SPAG16: variants seen among roughly 807,000 people sequenced by gnomAD.
SPAG16 encodes sperm-associated antigen 16 protein.
A neutral mutation model predicts 80.4 loss-of-function variants in SPAG16; 86 were observed. The ratio of observed to expected loss-of-function variants is 1.07; its 90% CI spans 0.90 to 1.28. The LOEUF (loss-of-function observed/expected upper bound fraction) is 1.28, where lower values mean the gene tolerates loss of function less well. SPAG16 is among the 50% of genes most tolerant of loss of function. SPAG16 has a pLI of 0.00. For missense variants in SPAG16, 870 were observed against 765.3 expected (o/e 1.14, Z -1.61); for synonymous variants, 294 against 265.9 (o/e 1.11, Z -1.03).
At chr2:213,648,757 A>T (rs1317254707) in intron 10 of SPAG16, among the ~76,000 whole-genome samples, 1 of 152,206 alleles carries the variant, frequency 6.6e-6, no homozygotes, top group African/African-American at 2.4e-5. Flanking sequence ...AGAATATCAT[A>T]TCCTCCTCCA....
intron 15 of SPAG16, among the ~76,000 whole-genome samples, chr2:214,248,877 G>T (rs1042680549): frequency 6.6e-6 from 1 of 152,110 alleles, no homozygotes; most frequent in Non-Finnish European, 1.5e-5. Context: ...AAACTGGAAC[G>T]ATCTGATGAT....
intron 11 of SPAG16, among the ~76,000 whole-genome samples, chr2:213,888,395 C>A (rs1240313397): frequency 6.6e-6 from 1 of 151,806 alleles, no homozygotes; most frequent in Non-Finnish European, 1.5e-5. Context: ...ACATTATTAT[C>A]TCTTAAAAAA....
At chr2:213,845,972 C>A (rs1052938239) in intron 10 of SPAG16, among the ~76,000 whole-genome samples, 3 of 152,158 alleles carry the variant, frequency 2.0e-5, no homozygotes, top group African/African-American at 7.2e-5. Context: ...AAGGGCAAGC[C>A]TAATTATACA....
intron 10 of SPAG16, among the ~76,000 whole-genome samples, chr2:213,584,065 G>A (rs553896342): frequency 1.3e-5 from 2 of 152,282 alleles, no homozygotes; most frequent in Non-Finnish European, 2.9e-5. Context: ...TTTGAAACTA[G>A]GAGTTATGTG....
chr2:214,087,530 A>G (rs1037435023), intron 13 of SPAG16, among the ~76,000 whole-genome samples: 8 of 152,202 alleles, frequency 5.3e-5, no homozygotes, highest in South Asian at 2.1e-4. Flanking sequence ...AAAAGATGTC[A>G]CATGATAATA....
chr2:214,039,130 A>G (rs2048868706), intron 13 of SPAG16, among the ~76,000 whole-genome samples: 2 of 152,176 alleles, frequency 1.3e-5, no homozygotes, highest in Admixed American at 1.3e-4. Flanking sequence ...TGACTTCCAC[A>G]ATGGTTGAAC....
intron 9 of SPAG16, among the ~76,000 whole-genome samples, chr2:213,457,248 C>T (rs1455945274): frequency 6.6e-6 from 1 of 152,106 alleles, no homozygotes; most frequent in Non-Finnish European, 1.5e-5. Flanking sequence ...GCTAGCATTC[C>T]TCTTTTCCAA....
At position 213,674,730 on chromosome 2, in the gene SPAG16, C is replaced by T. The variant is rs562688451; in HGVS notation, c.1070+184640C>T. Among the ~76,000 whole-genome samples the T allele has an allele frequency of 4.0e-5, 6 of 150,506 alleles. No individual in the cohort carries two copies. In the East Asian group the frequency reaches 9.7e-4, roughly 24 times the overall value. ...GACGTGAACTCATCATTTTTTATGGCTGCATAGTATTCCATGGTGTATATG... is the reference window on the plus strand; with the variant it reads ...GACGTGAACTCATCATTTTTTATGGTTGCATAGTATTCCATGGTGTATATG... On this transcript the variant is annotated intron_variant, in intron 10 of 15. Transcript: ENST00000331683.
At chr2:213,924,034 T>TG (rs758227744) in intron 11 of SPAG16, 2 of 149,868 alleles carry the variant, frequency 1.3e-5, no homozygotes, top group Admixed American at 1.3e-4. Context: ...CTAGCAGTGG[T>TG]GGGGGTGGGT....
At chr2:214,337,262 T>G (rs1290098727) in intron 15 of SPAG16, among the ~76,000 whole-genome samples, 1 of 152,150 alleles carries the variant, frequency 6.6e-6, no homozygotes, top group Non-Finnish European at 1.5e-5. Flanking sequence ...TTAGGAAGCT[T>G]GTTGTAAAAA....
chr2:213,479,623 C>T (rs2073643471), intron 9 of SPAG16, among the ~76,000 whole-genome samples: 1 of 152,114 alleles, frequency 6.6e-6, no homozygotes, highest in Admixed American at 6.6e-5. Flanking sequence ...GGCTTACATT[C>T]CTACATCCTC....
intron 10 of SPAG16, among the ~76,000 whole-genome samples, chr2:213,859,296 A>G (rs767636835): frequency 4.4e-4 from 66 of 148,928 alleles, no homozygotes; most frequent in Non-Finnish European, 8.6e-4. Flanking sequence ...GATCTTAAAG[A>G]TCTTGGTAAG....
At chr2:214,369,400 C>A (rs538666844) in intron 15 of SPAG16, among the ~76,000 whole-genome samples, 20 of 152,200 alleles carry the variant, frequency 1.3e-4, no homozygotes, top group African/African-American at 4.8e-4. Flanking sequence ...GATAACTTTT[C>A]TTTTCATATT....
At chr2:213,806,092 T>A (rs1402137130) in intron 10 of SPAG16, among the ~76,000 whole-genome samples, 2 of 152,194 alleles carry the variant, frequency 1.3e-5, no homozygotes, top group African/African-American at 4.8e-5. Flanking sequence ...GGTTTCTTTG[T>A]CAGCATGCAA....
intron 15 of SPAG16, among the ~76,000 whole-genome samples, chr2:214,390,594 C>A (rs1701021111): frequency 6.6e-6 from 1 of 152,070 alleles, no homozygotes; most frequent in African/African-American, 2.4e-5. Flanking sequence ...CAGTTTAAAT[C>A]TAGTATCATC....
chr2:213,454,778 C>A (rs2071899906), intron 9 of SPAG16, among the ~76,000 whole-genome samples: 1 of 152,150 alleles, frequency 6.6e-6, no homozygotes, highest in Non-Finnish European at 1.5e-5. Context: ...TCTTCTTTTA[C>A]AGTCATTCTA....
chr2:214,165,390 A>G lies in SPAG16; in HGVS notation c.1720+16124A>G, dbSNP rs557465051. Among the ~76,000 whole-genome samples, 23 of 149,932 alleles carry G rather than the reference A, an allele frequency of 1.5e-4. 1 individual carries two copies. The highest frequency in any genetic ancestry group is 5.7e-4 in the African/African-American group (23 of 40,668). ...GGTTTTAATCCAATTCATTCCACCA[A>G]CATATCTTCTAATGCTTAGTCCTGT... On this transcript the variant is annotated intron_variant, in intron 15 of 15. Transcript: ENST00000331683.
At chr2:214,172,521 T>A (rs1372828106) in intron 15 of SPAG16, among the ~76,000 whole-genome samples, 1 of 152,172 alleles carries the variant, frequency 6.6e-6, no homozygotes, top group East Asian at 1.9e-4. Flanking sequence ...TTGGGTTGGT[T>A]CCAAGTCTTT....
At chr2:213,301,081 C>G (rs979673653) in intron 3 of SPAG16, among the ~76,000 whole-genome samples, 1 of 152,116 alleles carries the variant, frequency 6.6e-6, no homozygotes, top group East Asian at 1.9e-4. Flanking sequence ...AACGCAATTA[C>G]TTTTGCATCA....
Sources: gnomAD v4.1 joint callset for allele counts (sites outside exome capture counted in the v4.1 genomes callset) on GRCh38, gnomAD v4.1.1 for gene constraint, MANE v1.5 for transcripts, NCBI Gene and HGNC (gene_info 2026-07-23, HGNC 2026-07-21) for gene names.